The following CIC variants were observed in gnomAD, a reference collection of about 807,000 sequenced individuals.
CIC encodes capicua transcriptional repressor.
CIC carries 18 observed loss-of-function variants against 115.7 expected under a neutral mutation model. The ratio of observed to expected loss-of-function variants is 0.16; its 90% confidence interval spans 0.11 to 0.23. CIC has a LOEUF of 0.23. CIC is among the 10% of genes least tolerant of loss of function. CIC has a pLI of 1.00. For synonymous variants in CIC, 1,076 were observed against 923.0 expected, an observed-to-expected ratio of 1.17 and a Z score of -3.01; for missense variants, 2,000 against 2,159.3, an observed-to-expected ratio of 0.93 and a Z score of 1.46.
chr19:42,285,120 G>C (rs546364609), intron 2 of CIC, among the ~76,000 whole-genome samples: 1 of 152,234 alleles, frequency 6.6e-6, no homozygotes, highest in East Asian at 1.9e-4. Context: ...TTGGGTAGTG[G>C]GGCTAAGGAC....
At chr19:42,286,981 C>T (rs1255940257) in intron 3 of CIC, 25 bp from the exon 4 acceptor site, 3 of 1,608,278 alleles carry the variant, frequency 1.9e-6, no homozygotes, top group Non-Finnish European at 2.5e-6. Context: ...CCTAGGAGCC[C>T]TCTGATCTAC....
Position 42,287,001 on chromosome 19 carries a change from C to T in CIC, c.2945-5C>T. 6.2e-7 allele frequency: 1 copy of T among 1,609,074 alleles called. No homozygotes were observed. The highest frequency in any genetic ancestry group is 8.5e-7 in the Non-Finnish European group (1 of 1,179,960). On this transcript the variant is annotated splice_region_variant and splice_polypyrimidine_tract_variant and intron_variant, in intron 3 of 20. Transcript: ENST00000681038. The surrounding 1 kb of genome is among the most constrained non-coding windows in gnomAD (Gnocchi z 8.7). The stretch of plus-strand genomic sequence containing the variant: ...GAGCCCTCTGATCTACCTCTGTGTC[C>T]CCAGAACCTGCTGAGTCGGCAGCTG...
At chr19:42,286,647 C>G in intron 2 of CIC, 124 bp from the exon 3 acceptor site, 1 of 1,181,336 alleles carries the variant, frequency 8.5e-7, no homozygotes, top group Non-Finnish European at 1.2e-6. Flanking sequence ...CCAAGAGGCT[C>G]TGGTGTTGGG....
intron 12 of CIC, 49 bp downstream of exon 12, chr19:42,291,794 C>G (rs1177386498): frequency 6.2e-7 from 1 of 1,602,142 alleles, no homozygotes. Context: ...CCCCTGTACC[C>G]CATCATTTCT....
At position 42,291,348 on chromosome 19, in the gene CIC, C is replaced by T. The variant is rs1407898924; in HGVS notation, c.5307C>T (p.Thr1769=). The T allele has an allele frequency of 5.0e-6, 8 of 1,612,786 alleles. No homozygotes were observed. Among genetic ancestry groups the T allele is most frequent in the South Asian group, 1.1e-5 (1 of 91,082 alleles). ...CTCCCAGCGGCCCTGCACCCACCAC[C>T]AGCATCCGTTTCACCCTCCCACCGG... ...AAAPSGPAPT[T]SIRFTLPPGT... is the part of the protein sequence containing the mutation. The change falls in exon 11 of 21, where the codon ACC becomes ACT. Residue 1769 remains threonine, a synonymous_variant. Coordinates refer to ENST00000681038, the MANE Select transcript of CIC (RefSeq NM_001386298.1).
chr19:42,286,965 A>C (rs2147173343), intron 3 of CIC, 41 bp from the exon 4 acceptor site: 1 of 1,607,990 alleles, frequency 6.2e-7, no homozygotes, highest in Non-Finnish European at 8.5e-7. Flanking sequence ...TGTGGGGTCC[A>C]GGTGGCCTAG....
rs1325713643 is a variant in CIC at position 42,273,912 on chromosome 19, G to A, written c.2129G>A (p.Ser710Asn). The A allele has an allele frequency of 7.5e-6, 3 of 397,998 alleles. No homozygotes were observed. The South Asian group carries it at 3.8e-4, about 51-fold the overall frequency. The allele number at this position is 397,998 out of a possible 1,614,324, so 24.7% of individuals were successfully genotyped here. Reference protein sequence around the residue: ...QTNLTFTVPISPGRRKTELLP... With the variant: ...QTNLTFTVPINPGRRKTELLP... ...AACCTGACCTTCACCGTGCCCATCAGCCCTGGGCGACGGAAGACAGAGCTG... is the reference window on the plus strand; with the variant it reads ...AACCTGACCTTCACCGTGCCCATCAACCCTGGGCGACGGAAGACAGAGCTG... Residue 710 changes from serine (S) to asparagine (N), a missense_variant, in exon 2 of 21, where the codon AGC (serine) becomes AAC (asparagine). Physicochemically the swap from Ser to Asn is conservative, Grantham distance 46. Around this residue, in one of 8 missense-constraint regions of CIC, gnomAD observed 222 missense variants for 247.7 expected, o/e 0.90. Transcript: ENST00000681038.
At chr19:42,284,961 G>T (rs1419614088) in intron 2 of CIC, among the ~76,000 whole-genome samples, 2 of 152,198 alleles carry the variant, frequency 1.3e-5, no homozygotes, top group African/African-American at 2.4e-5. Flanking sequence ...GGAGTGGGGC[G>T]TATCTGGGGA....
In CIC at chr19:42,292,350, G is replaced by C. The variant is rs1332619285; in HGVS notation, c.5786G>C (p.Ser1929Thr). ...GGGCACGCGCTGCCCCTGGGTACCAGCCCTGCGTCCAGCCAGGCTGGAACA... is the reference window on the plus strand; with the variant it reads ...GGGCACGCGCTGCCCCTGGGTACCACCCCTGCGTCCAGCCAGGCTGGAACA... ...AGGHALPLGT[S>T]PASSQAGTVT... Residue 1929 changes from serine (S) to threonine (T), a missense_variant, in exon 14 of 21, where the codon AGC becomes ACC. By Grantham distance (58) the Ser-to-Thr change is moderately conservative. Coordinates refer to ENST00000681038, the MANE Select transcript of CIC (RefSeq NM_001386298.1). The C allele has an allele frequency of 1.5e-5, 25 of 1,613,048 alleles. No individual in the cohort carries two copies. Among genetic ancestry groups the C allele is most frequent in the Non-Finnish European group, 2.1e-5 (25 of 1,179,916 alleles).
chr19:42,277,613 T>C (rs2147058023), intron 2 of CIC, among the ~76,000 whole-genome samples: 1 of 152,322 alleles, frequency 6.6e-6, no homozygotes, highest in East Asian at 1.9e-4. Flanking sequence ...ATGATAACAA[T>C]AATACCTACT....
intron 2 of CIC, chr19:42,284,328 CGCCCCGCCT>C (rs561141658): frequency 0.047 from 6,845 of 144,518 alleles, 179 homozygotes; most frequent in Non-Finnish European, 0.058. Context: ...CGTCGCGCCC[CGCCCCGCCT>C]GCCCCGCCTG....
At position 42,289,332 on chromosome 19, in the gene CIC, C is replaced by T. The variant is rs780297917; in HGVS notation, c.4013C>T (p.Ala1338Val). The change falls in exon 9 of 21, where the codon GCG (alanine) becomes GTG (valine). Residue 1338 changes from alanine (A) to valine (V), a missense_variant. By Grantham distance (64) the Ala-to-Val change is moderately conservative. Around this residue, in one of 8 missense-constraint regions of CIC, gnomAD observed 1,466 missense variants for 1,390.4 expected, o/e 1.05. Transcript: ENST00000681038. ...LPTRASRSQR[A>V]ASEDMTSDEE... is the part of the protein sequence containing the mutation. ...ACCCGAGCTTCTCGTTCTCAGCGTG[C>T]GGCCAGTGAGGACATGACGAGTGAT... The T allele has an allele frequency of 1.2e-5, 20 of 1,613,888 alleles. No individual in the cohort carries two copies. The highest frequency in any genetic ancestry group is 2.2e-5 in the East Asian group (1 of 44,868).
At chr19:42,286,539 G>A (rs1366471421) in intron 2 of CIC, among the ~76,000 whole-genome samples, 1 of 151,868 alleles carries the variant, frequency 6.6e-6, no homozygotes, top group African/African-American at 2.4e-5. Context: ...GGAGTGGGGC[G>A]TGAGTACTAT....
chr19:42,286,211 A>G (rs1291261123), intron 2 of CIC, among the ~76,000 whole-genome samples: 1 of 152,046 alleles, frequency 6.6e-6, no homozygotes, highest in African/African-American at 2.4e-5. Flanking sequence ...GAAGGCAAGG[A>G]GCAGGACCTC....
Position 42,293,768 on chromosome 19 carries a change from G to A in CIC, c.6699G>A (p.Ala2233=), listed in dbSNP as rs139872750. 764 of 1,612,818 alleles carry A rather than the reference G, an allele frequency of 4.7e-4. 2 individuals carry two copies. Among genetic ancestry groups the A allele is most frequent in the South Asian group, 7.7e-4 (70 of 91,042 alleles). ...GGGACACCCCGGAGCGCAAGGAGGC[G>A]GCTGGTACTGGCAAGAAGGTGAAGG... ...AAGDTPERKE[A]AGTGKKVKVR... The change falls in exon 17 of 21, where the codon GCG becomes GCA. Residue 2233 remains alanine (A), a synonymous_variant. Coordinates refer to ENST00000681038, the MANE Select transcript of CIC (RefSeq NM_001386298.1).
intron 19 of CIC, 37 bp downstream of exon 19, chr19:42,294,341 C>G: frequency 6.2e-7 from 1 of 1,609,840 alleles, no homozygotes; most frequent in Non-Finnish European, 8.5e-7. Flanking sequence ...GCCTGGGGAC[C>G]TGCAAGAGGA....
Position 42,291,215 on chromosome 19 carries a change from T to C in CIC, c.5174T>C (p.Leu1725Pro). Reference protein sequence around the residue: ...VPLGILQPGALGKAGGITQVQ... With the variant: ...VPLGILQPGAPGKAGGITQVQ... ...CTGGGCATCCTGCAACCAGGTGCCCTGGGCAAGGCTGGGGGAATCACCCAG... is the reference window on the plus strand; with the variant it reads ...CTGGGCATCCTGCAACCAGGTGCCCCGGGCAAGGCTGGGGGAATCACCCAG... The change falls in exon 11 of 21, where the codon CTG becomes CCG. Residue 1725 changes from leucine (L) to proline (P), a missense_variant. Coordinates refer to ENST00000681038, the MANE Select transcript of CIC (RefSeq NM_001386298.1). 1 of 1,610,764 alleles carries C rather than the reference T, an allele frequency of 6.2e-7. No homozygotes were observed. The highest frequency in any genetic ancestry group is 8.5e-7 in the Non-Finnish European group (1 of 1,178,802).
chr19:42,284,850 T>C (rs2037511624), intron 2 of CIC: 1 of 1,238,852 alleles, frequency 8.1e-7, no homozygotes, highest in South Asian at 1.3e-5. Context: ...GGTGGGGGTA[T>C]AGTAGGGGAG....
Position 42,295,282 on chromosome 19 carries a change from G to A in CIC, c.*91G>A, listed in dbSNP as rs2038439526. 8.3e-7 allele frequency: 1 copy of A among 1,197,764 alleles called. No homozygotes were observed. Among genetic ancestry groups the A allele is most frequent in the Admixed American group, 2.2e-5 (1 of 46,146 alleles). The allele number at this position is 1,197,764 out of a possible 1,614,324, so 74.2% of individuals were successfully genotyped here. A position where few individuals can be genotyped will look rare whatever the true frequency, so the allele number is the denominator to read the frequency against. ...GGAAGGTTATCTCCTCCCGGGTAAA[G>A]CCATTTCGTCCTCTCCAGTTTGGGG... On this transcript the variant is annotated 3_prime_UTR_variant, in exon 21 of 21. Transcript: ENST00000681038.
Sources: allele counts gnomAD v4.1 joint callset (sites outside exome capture counted in the v4.1 genomes callset), GRCh38; gene constraint gnomAD v4.1.1; regional missense constraint gnomAD v4.1.1; non-coding constraint Gnocchi (gnomAD v3.1); transcripts MANE v1.5; gene names NCBI Gene and HGNC (gene_info 2026-07-23, HGNC 2026-07-21).